Variants in TENM1 observed in about 807,000 individuals in gnomAD.
TENM1 encodes the protein teneurin-1.
Under a neutral mutation model 174.8 loss-of-function variants are expected in TENM1, and 35 were observed. That is an observed-to-expected ratio of 0.20 (90% confidence interval 0.15 to 0.27). TENM1 has a LOEUF of 0.27. TENM1 is among the 10% of genes least tolerant of loss of function. The probability of loss-of-function intolerance (pLI) is 1.00; values close to 1 mark genes in which losing one functional copy is unlikely to be tolerated. For missense variants in TENM1, 1,633 were observed against 2,130.1 expected (o/e 0.77, Z 4.59); for synonymous variants, 781 against 798.7 (o/e 0.98, Z 0.37).
intron 27 of TENM1, among the ~76,000 whole-genome samples, chrX:124,396,595 C>T (rs184039829): frequency 9.0e-6 from 1 of 111,117 alleles, no homozygotes; most frequent in African/African-American, 3.3e-5. Flanking sequence ...TGAGCCACCA[C>T]GCCAGGCCTC....
At chrX:125,129,477 TTTATG>T in the TENM1 span, among the ~76,000 whole-genome samples, 4 of 111,607 alleles carry the variant, frequency 3.6e-5, no homozygotes, top group Admixed American at 3.8e-4. Context: ...AATTATACTC[TTTATG>T]TTATTTTAAA....
intron 5 of TENM1, among the ~76,000 whole-genome samples, chrX:124,679,270 A>T (rs2052171346): frequency 8.9e-6 from 1 of 112,259 alleles, no homozygotes; most frequent in Non-Finnish European, 1.9e-5. Context: ...TCCCCCTACT[A>T]GTTCCCTTCA....
intron 1 of TENM1, among the ~76,000 whole-genome samples, chrX:124,916,656 G>A (rs746355387): frequency 3.6e-5 from 4 of 111,114 alleles, no homozygotes; most frequent in Non-Finnish European, 7.5e-5. Context: ...TTTAAAACAC[G>A]ATTGGGTCAT....
At chrX:124,759,225 A>G (rs2054345418) in intron 3 of TENM1, among the ~76,000 whole-genome samples, 1 of 111,836 alleles carries the variant, frequency 8.9e-6, no homozygotes, top group African/African-American at 3.2e-5. Context: ...ACAAGTTATA[A>G]TGGATAATTA....
At chrX:124,814,987 T>C (rs2055866127) in intron 3 of TENM1, among the ~76,000 whole-genome samples, 1 of 112,370 alleles carries the variant, frequency 8.9e-6, no homozygotes, top group African/African-American at 3.2e-5. Flanking sequence ...CAGTAAATGC[T>C]GCAAACTATT....
chrX:125,005,129 C>G, the TENM1 span, among the ~76,000 whole-genome samples: 1 of 107,457 alleles, frequency 9.3e-6, no homozygotes, highest in South Asian at 4.3e-4. Context: ...ATTAGACCAG[C>G]ATTATCAAAA....
rs201638312 is a variant in TENM1 at position 124,564,329 on chromosome X, ATATGT to A, written c.2264-562_2264-558del. On this transcript the variant is annotated intron_variant, in intron 12 of 31. Transcript: ENST00000422452. ...AGAAGTAATGCAGTTTATGAAGATTATATGTTATATGTATTATATATATTATACAT... is the reference window on the plus strand; with the variant it reads ...AGAAGTAATGCAGTTTATGAAGATTATATATGTATTATATATATTATACAT... Among the ~76,000 whole-genome samples, 18 of 112,172 alleles carry A rather than the reference ATATGT, an allele frequency of 1.6e-4. No homozygotes were observed. The East Asian group carries it at 4.5e-3, about 28-fold the overall frequency.
the TENM1 span, among the ~76,000 whole-genome samples, chrX:125,028,317 A>T: frequency 8.9e-6 from 1 of 112,503 alleles, no homozygotes; most frequent in Non-Finnish European, 1.9e-5. Flanking sequence ...TAAAGTTAAG[A>T]GACAAAAGAA....
chrX:124,467,724 C>T lies in TENM1; in HGVS notation c.3949+14008G>A, dbSNP rs1778836912. 2.7e-5 allele frequency among the ~76,000 whole-genome samples: 3 copies of T among 111,718 alleles called. No homozygotes were observed. In the South Asian group the frequency reaches 1.1e-3, roughly 42 times the overall value. On this transcript the variant is annotated intron_variant, in intron 22 of 31. Transcript: ENST00000422452. The stretch of plus-strand genomic sequence containing the variant: ...TTCTGAAATGGAATAGTCAGGCATA[C>T]ATTTGTAAGTTGATTTCTAAACCCT...
At chrX:124,485,827 A>T (rs934926452) in intron 21 of TENM1, among the ~76,000 whole-genome samples, 2 of 111,727 alleles carry the variant, frequency 1.8e-5, no homozygotes, top group Admixed American at 9.5e-5. Context: ...TTTTGTGTGC[A>T]AAATACCATC....
At chrX:125,062,762 T>C in the TENM1 span, among the ~76,000 whole-genome samples, 1 of 111,944 alleles carries the variant, frequency 8.9e-6, no homozygotes, top group Non-Finnish European at 1.9e-5. Context: ...TTGACTTAGC[T>C]CTGATACTAG....
At chrX:124,531,078 A>C (rs963988678) in intron 15 of TENM1, among the ~76,000 whole-genome samples, 10 of 101,209 alleles carry the variant, frequency 9.9e-5, no homozygotes, top group Non-Finnish European at 2.0e-4. Flanking sequence ...GGCAGGGTTG[A>C]GGAAGGTTGA....
At chrX:124,959,622 A>G (rs1349837593) in intron 1 of TENM1, among the ~76,000 whole-genome samples, 1 of 110,877 alleles carries the variant, frequency 9.0e-6, no homozygotes, top group Non-Finnish European at 1.9e-5. Flanking sequence ...CACTTTTCCA[A>G]TCGCTGATGG....
At chrX:125,116,382 C>A in the TENM1 span, among the ~76,000 whole-genome samples, 2 of 111,830 alleles carry the variant, frequency 1.8e-5, no homozygotes, top group African/African-American at 6.5e-5. Flanking sequence ...CCAAAATTGA[C>A]AAATGGGATC....
At chrX:125,141,287 T>A in the TENM1 span, among the ~76,000 whole-genome samples, 1 of 111,701 alleles carries the variant, frequency 9.0e-6, no homozygotes, top group Non-Finnish European at 1.9e-5. Context: ...ATGCTAAAGA[T>A]TCCTAAGCAG....
chrX:124,586,719 A>G (rs2049527121), intron 11 of TENM1, among the ~76,000 whole-genome samples: 1 of 105,757 alleles, frequency 9.5e-6, no homozygotes, highest in Non-Finnish European at 1.9e-5. Flanking sequence ...AATAAAGGGT[A>G]TTCAATTAGG....
chrX:124,549,144 C>A (rs1187294551), intron 14 of TENM1, among the ~76,000 whole-genome samples: 4 of 111,973 alleles, frequency 3.6e-5, no homozygotes, highest in Non-Finnish European at 7.5e-5. Flanking sequence ...ACTACCACCT[C>A]TCCCTCCAAT....
At chrX:124,622,236 T>A (rs926163271) in intron 11 of TENM1, among the ~76,000 whole-genome samples, 2 of 111,964 alleles carry the variant, frequency 1.8e-5, no homozygotes, top group Non-Finnish European at 1.9e-5. Flanking sequence ...TGTGAAAATA[T>A]CACATTCATA....
chrX:124,606,556 T>C (rs770212712), intron 11 of TENM1, among the ~76,000 whole-genome samples: 103 of 111,541 alleles, frequency 9.2e-4, no homozygotes, highest in Non-Finnish European at 1.7e-3. Flanking sequence ...GGAAACAAGA[T>C]GGTTAGATAC....
Sources: allele counts gnomAD v4.1 joint callset (sites outside exome capture counted in the v4.1 genomes callset), GRCh38; gene constraint gnomAD v4.1.1; transcripts MANE v1.5; gene names NCBI Gene and HGNC (gene_info 2026-07-23, HGNC 2026-07-21).